The following TRMO variants were observed in gnomAD, a reference collection of about 807,000 sequenced individuals.
TRMO encodes tRNA (adenine(37)-N6)-methyltransferase.
Under a neutral mutation model 37.2 loss-of-function variants are expected in TRMO, and 30 were observed. That is an observed-to-expected ratio of 0.81 (90% CI 0.60 to 1.09). TRMO has a LOEUF of 1.09. Ranked by LOEUF, TRMO falls within the 50% of genes least tolerant of loss-of-function variation. The pLI, the probability that TRMO is intolerant of heterozygous loss-of-function variation, is 0.00. For missense variants in TRMO, 552 were observed against 549.5 expected (o/e 1.00, Z -0.05); for synonymous variants, 239 against 199.4 (o/e 1.20, Z -1.67).
At chr9:97,898,218 T>G in the TRMO span, among the ~76,000 whole-genome samples, 1 of 152,298 alleles carries the variant, frequency 6.6e-6, no homozygotes, top group South Asian at 2.1e-4. Context: ...GGCCTAAACC[T>G]TGAACCTTCT....
chr9:97,898,719 C>A, the TRMO span, among the ~76,000 whole-genome samples: 1 of 151,712 alleles, frequency 6.6e-6, no homozygotes. Flanking sequence ...ATAAACATCC[C>A]TATTATATAT....
intron 4 of TRMO, among the ~76,000 whole-genome samples, chr9:97,905,800 T>C (rs1825829965): frequency 6.6e-6 from 1 of 152,172 alleles, no homozygotes; most frequent in Non-Finnish European, 1.5e-5. Context: ...AAAATCACTG[T>C]GGGCCATATC....
At chr9:97,907,579 G>T (rs1369182982) in intron 4 of TRMO, among the ~76,000 whole-genome samples, 1 of 152,076 alleles carries the variant, frequency 6.6e-6, no homozygotes, top group African/African-American at 2.4e-5. Context: ...AGGAACTCCA[G>T]CTTGCCTTTG....
chr9:97,915,277 T>C (rs1826303012), intron 2 of TRMO, among the ~76,000 whole-genome samples: 1 of 152,222 alleles, frequency 6.6e-6, no homozygotes, highest in Admixed American at 6.5e-5. Flanking sequence ...AGGAGTATAC[T>C]TAATTCTACA....
chr9:97,901,336 C>T (rs1831165370), downstream of TRMO, among the ~76,000 whole-genome samples: 1 of 152,166 alleles, frequency 6.6e-6, no homozygotes, highest in Non-Finnish European at 1.5e-5. Context: ...AAAACTCTGG[C>T]CAAAGAGTCT....
intron 2 of TRMO, 144 bp from the exon 3 acceptor site, chr9:97,913,702 AG>A: frequency 1.6e-6 from 1 of 606,626 alleles, no homozygotes. Flanking sequence ...GTCATCTGGT[AG>A]GAAGAAAATA....
intron 2 of TRMO, among the ~76,000 whole-genome samples, chr9:97,914,450 T>C (rs1025764776): frequency 5.3e-5 from 8 of 152,206 alleles, no homozygotes; most frequent in African/African-American, 1.4e-4. Flanking sequence ...GAAGTATACA[T>C]TGGTTAATTT....
At chr9:97,913,660 A>G in intron 2 of TRMO, 102 bp from the exon 3 acceptor site, 1 of 754,216 alleles carries the variant, frequency 1.3e-6, no homozygotes, top group South Asian at 1.7e-5. Flanking sequence ...CCCACAAATT[A>G]ACAGAAATCA....
downstream of TRMO, among the ~76,000 whole-genome samples, chr9:97,901,471 C>T (rs1051988924): frequency 1.3e-5 from 2 of 152,164 alleles, no homozygotes; most frequent in African/African-American, 4.8e-5. Flanking sequence ...AGCTGTAACA[C>T]TATTTTTGAC....
downstream of TRMO, among the ~76,000 whole-genome samples, chr9:97,900,540 T>G (rs1189325619): frequency 6.6e-6 from 1 of 152,264 alleles, no homozygotes; most frequent in Non-Finnish European, 1.5e-5. Context: ...ATGGAACTGC[T>G]GACCTTCCAA....
At chr9:97,916,372 CA>C in intron 1 of TRMO, 34 bp from the exon 2 acceptor site, 1 of 1,513,128 alleles carries the variant, frequency 6.6e-7, no homozygotes, top group Non-Finnish European at 9.0e-7. Context: ...AGTTATTAGT[CA>C]AAAGGTCAAA....
chr9:97,919,744 A>G (rs1475422314), intron 1 of TRMO, among the ~76,000 whole-genome samples: 1 of 152,234 alleles, frequency 6.6e-6, no homozygotes, highest in Non-Finnish European at 1.5e-5. Flanking sequence ...CACATATGAT[A>G]TGATAAATAT....
intron 4 of TRMO, among the ~76,000 whole-genome samples, chr9:97,909,553 G>C (rs1000407953): frequency 1.3e-5 from 2 of 152,128 alleles, no homozygotes; most frequent in African/African-American, 4.8e-5. Context: ...CTACCTGACA[G>C]TCAGAATACA....
At position 97,910,069 on chromosome 9, in the gene TRMO, T is replaced by A. The variant is rs770595028; in HGVS notation, c.957A>T (p.Gly319=). 1.9e-6 allele frequency: 3 copies of A among 1,613,104 alleles called. No homozygotes were observed. Among genetic ancestry groups the A allele is most frequent in the African/African-American group, 2.7e-5 (2 of 74,886 alleles). ...AGGCAGGAACCACGCTGCGGGGAGC[T>A]CCATCAGCCCTTCCAGCAGGGCAGT... is the stretch of plus-strand genomic sequence containing the variant. ...APHCPAGRAD[G]APRSVVPAWV... is the part of the protein sequence containing the mutation. Residue 319 remains glycine (G), a synonymous_variant, in exon 4 of 5, where the codon GGA becomes GGT. Coordinates refer to ENST00000375119, the MANE Select transcript of TRMO (RefSeq NM_016481.5).
downstream of TRMO, among the ~76,000 whole-genome samples, chr9:97,901,452 C>T (rs1831168014): frequency 6.6e-6 from 1 of 152,116 alleles, no homozygotes; most frequent in Non-Finnish European, 1.5e-5. Context: ...GGACACAAAA[C>T]GACCCTAGAG....
At chr9:97,905,480 C>G (rs1825817790) in intron 4 of TRMO, among the ~76,000 whole-genome samples, 1 of 152,214 alleles carries the variant, frequency 6.6e-6, no homozygotes, top group Admixed American at 6.5e-5. Flanking sequence ...AAGCTAGTAT[C>G]ACAGACCCGC....
intron 2 of TRMO, 32 bp from the exon 3 acceptor site, chr9:97,913,590 A>G: frequency 7.0e-7 from 1 of 1,429,606 alleles, no homozygotes; most frequent in Non-Finnish European, 9.8e-7. Flanking sequence ...AAACCACGGA[A>G]TAAGAAAAGA....
chr9:97,904,443 T>C (rs752549579), downstream of TRMO: 10 of 1,157,198 alleles, frequency 8.6e-6, no homozygotes, highest in Non-Finnish European at 1.1e-5. Flanking sequence ...TCTAATTTTA[T>C]CAAGTGCACC....
chr9:97,906,448 C>T (rs1309398776), intron 4 of TRMO, among the ~76,000 whole-genome samples: 1 of 152,176 alleles, frequency 6.6e-6, no homozygotes, highest in Non-Finnish European at 1.5e-5. Flanking sequence ...CAGCACTCTG[C>T]CCAGACCTTT....
Sources: gnomAD v4.1 joint callset for allele counts (sites outside exome capture counted in the v4.1 genomes callset) on GRCh38, gnomAD v4.1.1 for gene constraint, MANE v1.5 for transcripts, NCBI Gene and HGNC (gene_info 2026-07-23, HGNC 2026-07-21) for gene names.